G2E3: variants seen among roughly 807,000 people sequenced by gnomAD.
G2E3 encodes G2/M phase-specific E3 ubiquitin-protein ligase.
In G2E3, 35 loss-of-function variants were observed where a neutral mutation model predicts 92.8. That is an observed-to-expected ratio of 0.38 (90% confidence interval 0.29 to 0.50). G2E3 has a LOEUF of 0.50. G2E3 is among the 20% of genes least tolerant of loss of function. G2E3 has a pLI of 0.94. For synonymous variants in G2E3, 242 were observed against 272.4 expected, an observed-to-expected ratio of 0.89 and a Z score of 1.10; for missense variants, 554 against 823.8, an observed-to-expected ratio of 0.67 and a Z score of 4.01.
At chr14:30,590,523 C>G in intron 4 of G2E3, 2 of 378,050 alleles carry the variant, frequency 5.3e-6, no homozygotes. Flanking sequence ...TGTCCCACCC[C>G]ATGTCAAGTC....
chr14:30,575,936 A>G (rs968955818), intron 1 of G2E3, among the ~76,000 whole-genome samples: 6 of 152,228 alleles, frequency 3.9e-5, no homozygotes, highest in Non-Finnish European at 5.9e-5. Flanking sequence ...TAAAATGGCT[A>G]TTGTGCCCAA....
chr14:30,580,364 G>A (rs1880363531), intron 1 of G2E3, among the ~76,000 whole-genome samples: 1 of 151,980 alleles, frequency 6.6e-6, no homozygotes, highest in African/African-American at 2.4e-5. Context: ...GCACCACCAC[G>A]CCCTGCTAAC....
Position 30,615,437 on chromosome 14 carries a change from G to C in G2E3, c.1762G>C (p.Glu588Gln). 6.2e-7 allele frequency: 1 copy of C among 1,610,448 alleles called. No individual in the cohort carries two copies. The highest frequency in any genetic ancestry group is 8.5e-7 in the Non-Finnish European group (1 of 1,176,954). The change falls in exon 14 of 15, where the codon GAG becomes CAG. Residue 588 changes from glutamate to glutamine, a missense_variant. Transcript: ENST00000206595. ...TTGTAGCATCCTGTGTCATAAACCT[G>C]AGAGTCTTTCTGCAAAAATCCTTAG... The part of the protein sequence containing the change: ...AFCSILCHKP[E>Q]SLSAKILSEL...
At chr14:30,567,309 G>A (rs1041909738) in intron 1 of G2E3, among the ~76,000 whole-genome samples, 58 of 152,172 alleles carry the variant, frequency 3.8e-4, no homozygotes, top group African/African-American at 5.1e-4. Flanking sequence ...GACTTTATTC[G>A]TTGGGAGGTT....
At chr14:30,612,644 G>C (rs1466039187) in intron 13 of G2E3, among the ~76,000 whole-genome samples, 1 of 152,070 alleles carries the variant, frequency 6.6e-6, no homozygotes, top group Non-Finnish European at 1.5e-5. Flanking sequence ...GATCATTTGA[G>C]GTCAGGAGTT....
In G2E3 at chr14:30,607,925, G is replaced by A. The variant is rs1258979230; in HGVS notation, c.1356G>A (p.Met452Ile). 2 of 1,608,178 alleles carry A rather than the reference G, an allele frequency of 1.2e-6. No homozygotes were observed. The highest frequency in any genetic ancestry group is 1.7e-5 in the Admixed American group (1 of 59,256). ...KENLYYEAGK[M>I]LAISLVHGGP... is the part of the protein sequence containing the mutation. The stretch of plus-strand genomic sequence containing the variant: ...ATCTTTACTATGAAGCTGGCAAAAT[G>A]CTTGCCATTTCTTTAGTTCACGGTG... The change falls in exon 12 of 15, where the codon ATG (methionine) becomes ATA (isoleucine). Residue 452 changes from methionine (M) to isoleucine (I), a missense_variant. This residue lies in a region of G2E3 where 397 missense variants were observed against 560.3 expected (regional missense o/e 0.71). Coordinates refer to ENST00000206595, the MANE Select transcript of G2E3 (RefSeq NM_017769.5).
chr14:30,592,083 CAT>C (rs964419196), intron 4 of G2E3, among the ~76,000 whole-genome samples: 15 of 152,194 alleles, frequency 9.9e-5, no homozygotes, highest in South Asian at 8.3e-4. Context: ...GTCTTATCCA[CAT>C]GTTAGGCTAG....
intron 1 of G2E3, among the ~76,000 whole-genome samples, chr14:30,575,606 T>C (rs1335577284): frequency 6.6e-6 from 1 of 152,232 alleles, no homozygotes; most frequent in Non-Finnish European, 1.5e-5. Context: ...CATGATTCTG[T>C]ATCTAGAAAA....
At chr14:30,569,009 G>T (rs1879601789) in intron 1 of G2E3, among the ~76,000 whole-genome samples, 1 of 152,090 alleles carries the variant, frequency 6.6e-6, no homozygotes, top group African/African-American at 2.4e-5. Flanking sequence ...GACCTTCTGA[G>T]AAACAGCCAT....
intron 1 of G2E3, chr14:30,560,251 A>T (rs549773872): frequency 6.5e-6 from 1 of 152,676 alleles, no homozygotes; most frequent in Non-Finnish European, 1.5e-5. Flanking sequence ...AATGTGTACA[A>T]GTTTTACATC....
At chr14:30,595,832 G>T (rs1304952561) in intron 6 of G2E3, among the ~76,000 whole-genome samples, 1 of 152,136 alleles carries the variant, frequency 6.6e-6, no homozygotes, top group African/African-American at 2.4e-5. Context: ...TTGGGATTTT[G>T]GGAGAAGAGA....
At chr14:30,568,606 T>A (rs915702352) in intron 1 of G2E3, among the ~76,000 whole-genome samples, 1 of 152,166 alleles carries the variant, frequency 6.6e-6, no homozygotes, top group African/African-American at 2.4e-5. Context: ...ACAATTAATA[T>A]CTTAAACTTA....
chr14:30,568,464 T>C (rs1031349490), intron 1 of G2E3, among the ~76,000 whole-genome samples: 31 of 152,114 alleles, frequency 2.0e-4, no homozygotes, highest in African/African-American at 7.0e-4. Flanking sequence ...AAATACTATC[T>C]TTCTGTTCCT....
intron 2 of G2E3, among the ~76,000 whole-genome samples, chr14:30,582,294 A>G (rs975037515): frequency 2.0e-5 from 3 of 152,262 alleles, no homozygotes; most frequent in Admixed American, 1.3e-4. Flanking sequence ...AATAATAAAT[A>G]TAATGAAATC....
intron 3 of G2E3, among the ~76,000 whole-genome samples, chr14:30,587,745 C>G (rs775192800): frequency 2.6e-5 from 4 of 152,086 alleles, no homozygotes; most frequent in Non-Finnish European, 4.4e-5. Context: ...TAAGGCTACT[C>G]GTGGCATGGC....
chr14:30,576,120 A>G (rs1240432880), intron 1 of G2E3, among the ~76,000 whole-genome samples: 1 of 152,216 alleles, frequency 6.6e-6, no homozygotes, highest in Non-Finnish European at 1.5e-5. Context: ...TTCAAACTAT[A>G]CTACAAGGCT....
intron 1 of G2E3, among the ~76,000 whole-genome samples, chr14:30,570,300 C>T (rs1475083953): frequency 6.6e-6 from 1 of 152,082 alleles, no homozygotes; most frequent in Admixed American, 6.6e-5. Context: ...ATGTGGATCT[C>T]CTAGAATTTG....
chr14:30,588,248 A>C (rs1880821845), intron 3 of G2E3, among the ~76,000 whole-genome samples: 1 of 152,078 alleles, frequency 6.6e-6, no homozygotes, highest in Non-Finnish European at 1.5e-5. Flanking sequence ...TTTTCTATAA[A>C]GTAAAAGGAT....
At position 30,619,920 on chromosome 14, in the gene G2E3, C is replaced by T. The variant is rs1271923432; in HGVS notation, c.*3386C>T. 1 of 152,098 alleles carries T rather than the reference C, an allele frequency of 6.6e-6. No homozygotes were observed. The highest frequency in any genetic ancestry group is 1.5e-5 in the Non-Finnish European group (1 of 68,012). 9.4% of individuals were successfully genotyped at this position (152,098 alleles called of 1,614,324 possible). On this transcript the variant is annotated 3_prime_UTR_variant, in exon 15 of 15. Transcript: ENST00000206595. ...GACGAAACTGAAAGATACAAGATTC[C>T]TTTACTCTCCACATTTGAGAGATCC...
Sources: gnomAD v4.1 joint callset for allele counts (sites outside exome capture counted in the v4.1 genomes callset) on GRCh38, gnomAD v4.1.1 for gene constraint, gnomAD v4.1.1 regional missense constraint, MANE v1.5 for transcripts, NCBI Gene and HGNC (gene_info 2026-07-23, HGNC 2026-07-21) for gene names.